PTPRR: variants seen among roughly 807,000 people sequenced by gnomAD.
The protein encoded by PTPRR is protein tyrosine phosphatase receptor type R, also known as receptor-type tyrosine-protein phosphatase R.
Under a neutral mutation model 77.2 loss-of-function variants are expected in PTPRR, and 38 were observed. The ratio of observed to expected loss-of-function variants is 0.49; its 90% CI spans 0.38 to 0.65. PTPRR has a LOEUF of 0.65. PTPRR is among the 30% of genes least tolerant of loss of function. PTPRR has a pLI of 0.00. For synonymous variants in PTPRR, 299 were observed against 283.1 expected, an observed-to-expected ratio of 1.06 and a Z score of -0.57; for missense variants, 744 against 799.2, an observed-to-expected ratio of 0.93 and a Z score of 0.83.
intron 2 of PTPRR, among the ~76,000 whole-genome samples, chr12:70,827,548 CTT>C (rs35574548): frequency 4.7e-5 from 5 of 105,436 alleles, no homozygotes; most frequent in African/African-American, 1.7e-4. Flanking sequence ...TTCTTTCTTT[CTT>C]TTTTTTTTTC....
intron 2 of PTPRR, among the ~76,000 whole-genome samples, chr12:70,859,769 G>A (rs59000052): frequency 0.023 from 3,456 of 151,954 alleles, 61 homozygotes; most frequent in South Asian, 0.059. Flanking sequence ...GGGTAAACAC[G>A]GACTTCTGTG....
chr12:70,702,264 T>G (rs1888455195), intron 6 of PTPRR, among the ~76,000 whole-genome samples: 1 of 152,062 alleles, frequency 6.6e-6, no homozygotes, highest in Non-Finnish European at 1.5e-5. Flanking sequence ...ATATTAGCTG[T>G]GTGGACCAAG....
chr12:70,897,686 C>G, intron 1 of PTPRR, among the ~76,000 whole-genome samples: 1 of 151,978 alleles, frequency 6.6e-6, no homozygotes, highest in East Asian at 1.9e-4. Context: ...AATCGTGCTG[C>G]TATAAAGACA....
At chr12:70,707,393 C>T (rs1181370783) in intron 6 of PTPRR, among the ~76,000 whole-genome samples, 1 of 151,850 alleles carries the variant, frequency 6.6e-6, no homozygotes, top group African/African-American at 2.4e-5. Flanking sequence ...GAAGTAGGCA[C>T]AGAACCATTG....
intron 1 of PTPRR, among the ~76,000 whole-genome samples, chr12:70,912,814 G>A (rs1028472995): frequency 1.3e-4 from 20 of 152,030 alleles, no homozygotes; most frequent in Non-Finnish European, 1.8e-4. Context: ...TAAGCATTAG[G>A]AAATTTGATC....
intron 1 of PTPRR, among the ~76,000 whole-genome samples, chr12:70,908,618 A>T (rs904999334): frequency 6.6e-6 from 1 of 152,190 alleles, no homozygotes; most frequent in African/African-American, 2.4e-5. Flanking sequence ...GGTGGGGATT[A>T]TGAGAACTAC....
intron 1 of PTPRR, among the ~76,000 whole-genome samples, chr12:70,918,361 G>A (rs543656270): frequency 6.6e-6 from 1 of 152,226 alleles, no homozygotes; most frequent in East Asian, 1.9e-4. Flanking sequence ...ATAGTATCTT[G>A]CAATTGAAAT....
intron 2 of PTPRR, among the ~76,000 whole-genome samples, chr12:70,795,654 T>C (rs931651914): frequency 6.6e-6 from 1 of 152,186 alleles, no homozygotes; most frequent in Non-Finnish European, 1.5e-5. Context: ...TACCTCAAAA[T>C]TTATTATTCT....
chr12:70,843,084 CA>C, intron 2 of PTPRR, among the ~76,000 whole-genome samples: 1 of 152,116 alleles, frequency 6.6e-6, no homozygotes, highest in East Asian at 1.9e-4. Flanking sequence ...CATACTTGTA[CA>C]AAAAAGTGAC....
At position 70,665,681 on chromosome 12, in the gene PTPRR, C is replaced by T. The variant is rs962981351; in HGVS notation, c.1498-3076G>A. 1.1e-4 allele frequency among the ~76,000 whole-genome samples: 16 copies of T among 151,714 alleles called. No individual in the cohort carries two copies. In the East Asian group the frequency reaches 1.9e-3, roughly 18 times the overall value. The stretch of plus-strand genomic sequence containing the variant: ...ATAGGCGTGAGCCACTGCGCCCGGC[C>T]GCCAGCTCATATTTTTGTGATCTTT... On this transcript the variant is annotated intron_variant, in intron 10 of 13. Transcript: ENST00000283228.
At chr12:70,726,171 A>T (rs1420253095) in intron 6 of PTPRR, among the ~76,000 whole-genome samples, 1 of 151,710 alleles carries the variant, frequency 6.6e-6, no homozygotes, top group East Asian at 1.9e-4. Context: ...ATACATATGT[A>T]TATATTTTAG....
intron 2 of PTPRR, among the ~76,000 whole-genome samples, chr12:70,813,604 T>C (rs1216851009): frequency 6.6e-6 from 1 of 152,110 alleles, no homozygotes; most frequent in Non-Finnish European, 1.5e-5. Flanking sequence ...AGACCAAATA[T>C]GTGAAGCAAA....
chr12:70,772,380 A>G (rs1477658485), intron 2 of PTPRR, among the ~76,000 whole-genome samples: 5 of 152,198 alleles, frequency 3.3e-5, no homozygotes, highest in Non-Finnish European at 5.9e-5. Flanking sequence ...CTTTAAAAAG[A>G]GATTAATACT....
chr12:70,685,942 G>T (rs1395016522), intron 8 of PTPRR, among the ~76,000 whole-genome samples: 2 of 152,190 alleles, frequency 1.3e-5, no homozygotes, highest in East Asian at 3.9e-4. Flanking sequence ...GTCAGGCTTT[G>T]AATCCACACG....
At chr12:70,864,924 G>T (rs893606804) in intron 2 of PTPRR, among the ~76,000 whole-genome samples, 8 of 152,112 alleles carry the variant, frequency 5.3e-5, no homozygotes, top group Non-Finnish European at 1.0e-4. Flanking sequence ...TGATTCTCCT[G>T]CCTTAGCCTC....
intron 2 of PTPRR, among the ~76,000 whole-genome samples, chr12:70,787,583 C>T (rs967819064): frequency 6.7e-6 from 1 of 149,824 alleles, no homozygotes; most frequent in African/African-American, 2.5e-5. Flanking sequence ...CTTTCCTTTC[C>T]CTTTAGTCTA....
intron 6 of PTPRR, among the ~76,000 whole-genome samples, chr12:70,719,164 CTTTAAG>C (rs1378051477): frequency 6.6e-6 from 1 of 152,096 alleles, no homozygotes; most frequent in East Asian, 1.9e-4. Flanking sequence ...TCGGGCTAAG[CTTTAAG>C]TAATCAGTAT....
chr12:70,754,833 G>C, intron 4 of PTPRR: 1 of 1,173,276 alleles, frequency 8.5e-7, no homozygotes. Context: ...TTCAAATAGA[G>C]TCTCTGCTGT....
chr12:70,715,991 A>G (rs906351625), intron 6 of PTPRR, among the ~76,000 whole-genome samples: 1 of 152,198 alleles, frequency 6.6e-6, no homozygotes, highest in East Asian at 1.9e-4. Flanking sequence ...ATGTTTAGAG[A>G]TTGCAGTAAA....
Sources: gnomAD v4.1 joint callset for allele counts (sites outside exome capture counted in the v4.1 genomes callset) on GRCh38, gnomAD v4.1.1 for gene constraint, MANE v1.5 for transcripts, NCBI Gene and HGNC (gene_info 2026-07-23, HGNC 2026-07-21) for gene names.